Variants in DSCAM observed in about 807,000 individuals in gnomAD.
DSCAM encodes DS cell adhesion molecule.
DSCAM carries 47 observed loss-of-function variants against 217.7 expected under a neutral mutation model. The observed-to-expected ratio is 0.22, with a 90% CI of 0.17 to 0.28. The LOEUF (loss-of-function observed/expected upper bound fraction) is 0.28. Among genes scored for constraint, DSCAM ranks in the 10% least tolerant of loss-of-function variants. The pLI, the probability that DSCAM is intolerant of heterozygous loss-of-function variation, is 1.00. For missense variants in DSCAM, 2,080 were observed against 2,618.3 expected, an observed-to-expected ratio of 0.79 and a Z score of 4.49; for synonymous variants, 1,056 against 1,015.3, an observed-to-expected ratio of 1.04 and a Z score of -0.76.
intron 3 of DSCAM, among the ~76,000 whole-genome samples, chr21:40,378,176 AT>A (rs1441702129): frequency 2.0e-5 from 3 of 152,238 alleles, no homozygotes; most frequent in African/African-American, 4.8e-5. Flanking sequence ...TATTGCAAAA[AT>A]GTCACCTTTT....
intron 1 of DSCAM, among the ~76,000 whole-genome samples, chr21:40,809,537 T>C (rs946234870): frequency 6.6e-6 from 1 of 152,164 alleles, no homozygotes; most frequent in Non-Finnish European, 1.5e-5. Flanking sequence ...ATGTTAAACA[T>C]ATAAGAATGC....
intron 27 of DSCAM, among the ~76,000 whole-genome samples, chr21:40,063,442 C>T (rs907997699): frequency 9.9e-5 from 15 of 151,384 alleles, no homozygotes; most frequent in Middle Eastern, 3.4e-3. Flanking sequence ...TTACCAAGAC[C>T]GGGTTACCAC....
chr21:40,466,037 AC>A (rs1181711527), intron 3 of DSCAM, among the ~76,000 whole-genome samples: 4 of 152,362 alleles, frequency 2.6e-5, no homozygotes, highest in African/African-American at 9.6e-5. Context: ...AGATGTGGTC[AC>A]AAGGAGTGCA....
At chr21:40,574,795 C>T (rs931816204) in intron 3 of DSCAM, among the ~76,000 whole-genome samples, 2 of 150,434 alleles carry the variant, frequency 1.3e-5, no homozygotes, top group African/African-American at 4.9e-5. Flanking sequence ...GCAACCTCCA[C>T]TTCCTGGGTT....
At chr21:40,644,867 GGA>G (rs1568959353) in intron 3 of DSCAM, among the ~76,000 whole-genome samples, 2 of 152,076 alleles carry the variant, frequency 1.3e-5, no homozygotes, top group African/African-American at 4.8e-5. Context: ...TAAAATCTGA[GGA>G]GATATATAGT....
At chr21:40,203,444 A>G (rs534727213) in intron 11 of DSCAM, among the ~76,000 whole-genome samples, 1 of 152,308 alleles carries the variant, frequency 6.6e-6, no homozygotes, top group East Asian at 1.9e-4. Context: ...GCTGCTTTAC[A>G]TCTGTTCTTT....
intron 1 of DSCAM, among the ~76,000 whole-genome samples, chr21:40,761,715 G>A (rs902832223): frequency 3.9e-5 from 6 of 152,078 alleles, no homozygotes; most frequent in South Asian, 2.1e-4. Flanking sequence ...GCCCTGGTAC[G>A]TTTACTTTTT....
chr21:40,500,396 T>C (rs1051012846), intron 3 of DSCAM, among the ~76,000 whole-genome samples: 2 of 152,222 alleles, frequency 1.3e-5, no homozygotes, highest in Non-Finnish European at 2.9e-5. Context: ...CCTGCTTCTA[T>C]TAATTTTTCC....
At chr21:40,701,529 T>C (rs949997110) in intron 2 of DSCAM, among the ~76,000 whole-genome samples, 1 of 152,262 alleles carries the variant, frequency 6.6e-6, no homozygotes, top group East Asian at 1.9e-4. Flanking sequence ...TTTAAGACTT[T>C]TTTAAAAATT....
At chr21:40,828,228 C>A (rs924798039) in intron 1 of DSCAM, among the ~76,000 whole-genome samples, 6 of 152,180 alleles carry the variant, frequency 3.9e-5, no homozygotes, top group Middle Eastern at 3.4e-3. Flanking sequence ...CATAGTGAGA[C>A]CCTGTTTCTA....
At chr21:40,377,024 T>C (rs531266806) in intron 3 of DSCAM, among the ~76,000 whole-genome samples, 1 of 151,836 alleles carries the variant, frequency 6.6e-6, no homozygotes, top group South Asian at 2.1e-4. Context: ...TGTGTGCCCC[T>C]AATCCAATGT....
intron 3 of DSCAM, among the ~76,000 whole-genome samples, chr21:40,662,363 C>T (rs1228984352): frequency 6.6e-6 from 1 of 152,118 alleles, no homozygotes; most frequent in African/African-American, 2.4e-5. Context: ...GCTTAAACAG[C>T]ATGAGTTCCG....
At chr21:40,041,576 T>G (rs779285153) in intron 32 of DSCAM, among the ~76,000 whole-genome samples, 5 of 152,196 alleles carry the variant, frequency 3.3e-5, no homozygotes, top group Non-Finnish European at 7.4e-5. Flanking sequence ...AAATGGCCCA[T>G]GTCCGCCTCG....
At chr21:40,113,151 G>A (rs867893549) in intron 20 of DSCAM, among the ~76,000 whole-genome samples, 1 of 152,096 alleles carries the variant, frequency 6.6e-6, no homozygotes, top group Non-Finnish European at 1.5e-5. Flanking sequence ...GATGAACATC[G>A]ATGCAAAAAT....
In DSCAM at chr21:40,562,884, G is replaced by A. The variant is rs543205258; in HGVS notation, c.508+129926C>T. Among the ~76,000 whole-genome samples, 36 of 152,296 alleles carry A rather than the reference G, an allele frequency of 2.4e-4. No individual in the cohort carries two copies. In the South Asian group the frequency reaches 6.4e-3, roughly 27 times the overall value. On this transcript the variant is annotated intron_variant, in intron 3 of 32. Transcript: ENST00000400454. The stretch of plus-strand genomic sequence containing the variant: ...CCAGAGACAGAAAGGGCAGCAATAC[G>A]TCTGTCGCCTGCACGACATGCACTA...
intron 3 of DSCAM, among the ~76,000 whole-genome samples, chr21:40,598,947 C>A (rs2103480): frequency 4.6e-5 from 7 of 152,006 alleles, no homozygotes; most frequent in Non-Finnish European, 8.8e-5. Flanking sequence ...TATTTAACGA[C>A]ATATAATGCT....
At chr21:40,481,308 T>A (rs1370913222) in intron 3 of DSCAM, among the ~76,000 whole-genome samples, 1 of 151,802 alleles carries the variant, frequency 6.6e-6, no homozygotes, top group Non-Finnish European at 1.5e-5. Flanking sequence ...GCTAACATGG[T>A]GAAACCCCGT....
chr21:40,320,955 C>T (rs1257036949), intron 8 of DSCAM, among the ~76,000 whole-genome samples: 1 of 152,136 alleles, frequency 6.6e-6, no homozygotes, highest in Non-Finnish European at 1.5e-5. Context: ...GATAAGTACC[C>T]TACAAGAGTT....
intron 1 of DSCAM, among the ~76,000 whole-genome samples, chr21:40,827,577 G>A (rs1306108044): frequency 0.018 from 1 of 56 alleles, no homozygotes; most frequent in African/African-American, 0.056. Flanking sequence ...ATGGAGTGGT[G>A]AAGAAGACCT....
Sources: gnomAD v4.1 joint callset for allele counts (sites outside exome capture counted in the v4.1 genomes callset) on GRCh38, gnomAD v4.1.1 for gene constraint, MANE v1.5 for transcripts, NCBI Gene and HGNC (gene_info 2026-07-23, HGNC 2026-07-21) for gene names.